The following TENM2 variants were observed in gnomAD, a reference collection of about 807,000 sequenced individuals.
TENM2 encodes the protein teneurin transmembrane protein 2.
In TENM2, 52 loss-of-function variants were observed where a neutral mutation model predicts 245.2. The observed-to-expected ratio is 0.21, with a 90% CI of 0.17 to 0.27. The LOEUF (loss-of-function observed/expected upper bound fraction) is 0.27, where lower values mean the gene tolerates loss of function less well. TENM2 is among the 10% of genes least tolerant of loss of function. TENM2 has a pLI of 1.00. For synonymous variants in TENM2, 1,363 were observed against 1,438.9 expected (o/e 0.95, Z 1.19); for missense variants, 3,046 against 3,666.8 (o/e 0.83, Z 4.37).
At chr5:167,328,204 G>GTTTTTTTTTTTTTTTTTTTTTTTTTTTTT (rs70976412) in intron 1 of TENM2, among the ~76,000 whole-genome samples, 1 of 91,028 alleles carries the variant, frequency 1.1e-5, no homozygotes, top group Non-Finnish European at 2.0e-5. Context: ...TTCTCATATC[G>GTTTTTTTTTTTTTTTTTTTTTTTTTTTTT]TTTTTTTTTT....
At chr5:167,870,716 A>ATG (rs1772756191) in intron 2 of TENM2, among the ~76,000 whole-genome samples, 1 of 150,134 alleles carries the variant, frequency 6.7e-6, no homozygotes, top group South Asian at 2.1e-4. Flanking sequence ...CTATATATAT[A>ATG]TATATATATG....
intron 3 of TENM2, among the ~76,000 whole-genome samples, chr5:167,892,393 A>G (rs1331878770): frequency 6.6e-6 from 1 of 152,230 alleles, no homozygotes; most frequent in Non-Finnish European, 1.5e-5. Flanking sequence ...CCCATGTTAC[A>G]ATGCAACCAA....
At chr5:167,241,416 A>G in the TENM2 span, among the ~76,000 whole-genome samples, 2 of 152,212 alleles carry the variant, frequency 1.3e-5, no homozygotes, top group South Asian at 2.1e-4. Context: ...TGAAGTTCCT[A>G]TTAAATTGGG....
intron 5 of TENM2, among the ~76,000 whole-genome samples, chr5:168,003,866 CT>C (rs1784600807): frequency 6.6e-6 from 1 of 152,188 alleles, no homozygotes; most frequent in Admixed American, 6.5e-5. Context: ...GAACATCAAT[CT>C]ATATTTCAAG....
At chr5:167,362,773 A>G (rs868396971) in intron 1 of TENM2, among the ~76,000 whole-genome samples, 5 of 152,220 alleles carry the variant, frequency 3.3e-5, no homozygotes, top group Non-Finnish European at 5.9e-5. Flanking sequence ...TTAACTAAAA[A>G]CTGCATTTTA....
intron 2 of TENM2, among the ~76,000 whole-genome samples, chr5:167,750,945 C>A (rs1489209169): frequency 2.0e-5 from 3 of 152,112 alleles, no homozygotes; most frequent in Non-Finnish European, 4.4e-5. Flanking sequence ...AATAGAATGA[C>A]AGCATGTAAC....
At chr5:167,039,421 A>G in the TENM2 span, among the ~76,000 whole-genome samples, 1 of 152,202 alleles carries the variant, frequency 6.6e-6, no homozygotes, top group African/African-American at 2.4e-5. Context: ...CGCACTGGCC[A>G]GGAAACTTGG....
intron 9 of TENM2, among the ~76,000 whole-genome samples, chr5:168,107,508 G>A (rs1794341918): frequency 6.6e-6 from 1 of 152,052 alleles, no homozygotes; most frequent in Non-Finnish European, 1.5e-5. Context: ...AATCTGACTT[G>A]TAGGACTGGT....
At chr5:167,800,153 C>A (rs760018479) in intron 2 of TENM2, among the ~76,000 whole-genome samples, 2 of 152,214 alleles carry the variant, frequency 1.3e-5, no homozygotes, top group Non-Finnish European at 2.9e-5. Flanking sequence ...AATGTGCATG[C>A]ATTTGTTTCT....
chr5:167,576,737 G>A (rs34561169), intron 2 of TENM2, among the ~76,000 whole-genome samples: 15,818 of 152,210 alleles, frequency 0.1, 1,100 homozygotes, highest in Middle Eastern at 0.22. Context: ...TTGCCAACAT[G>A]TAATGAAATA....
rs559003739 is a variant in TENM2, at chr5:168,124,780, T to G, written c.2009-70T>G. On this transcript the variant is annotated intron_variant, in intron 10 of 28. Coordinates refer to ENST00000518659, the Ensembl canonical transcript of TENM2. ...ACTGGTCCATTCAGCAGCAAGCCCA[T>G]GTCTCATGGTCCATCCTCCATGGGT... The G allele has an allele frequency of 9.8e-5, 141 of 1,435,238 alleles. 1 individual carries two copies. In the African/African-American group the frequency reaches 1.8e-3, roughly 18 times the overall value. 88.9% of individuals were successfully genotyped at this position (1,435,238 alleles called of 1,614,324 possible). A position where few individuals can be genotyped will look rare whatever the true frequency, so the allele number is the denominator to read the frequency against.
intron 3 of TENM2, among the ~76,000 whole-genome samples, chr5:167,924,214 C>T (rs1777578666): frequency 2.6e-5 from 4 of 152,202 alleles, no homozygotes; most frequent in Non-Finnish European, 4.4e-5. Flanking sequence ...TGAGCAGAAT[C>T]AGGTGCAGTT....
At chr5:168,141,526 TC>T (rs1263023694) in intron 12 of TENM2, among the ~76,000 whole-genome samples, 1 of 152,170 alleles carries the variant, frequency 6.6e-6, no homozygotes, top group Non-Finnish European at 1.5e-5. Context: ...AAACTGCCTT[TC>T]CCAGGGATGA....
intron 1 of TENM2, among the ~76,000 whole-genome samples, chr5:167,300,334 G>A (rs1348000282): frequency 6.6e-6 from 1 of 152,164 alleles, no homozygotes; most frequent in African/African-American, 2.4e-5. Context: ...CCTAATGGGT[G>A]TCAGGGTCAG....
chr5:167,593,930 C>T (rs1358052317), intron 2 of TENM2, among the ~76,000 whole-genome samples: 1 of 152,154 alleles, frequency 6.6e-6, no homozygotes, highest in Non-Finnish European at 1.5e-5. Flanking sequence ...CTAGTAATAT[C>T]ATGCAGCTGT....
intron 2 of TENM2, among the ~76,000 whole-genome samples, chr5:167,710,215 A>G (rs1758815701): frequency 6.6e-6 from 1 of 152,198 alleles, no homozygotes; most frequent in African/African-American, 2.4e-5. Flanking sequence ...GTGTGTGTAT[A>G]CATATGTACA....
At chr5:167,823,715 A>G (rs978474887) in intron 2 of TENM2, among the ~76,000 whole-genome samples, 3 of 152,192 alleles carry the variant, frequency 2.0e-5, no homozygotes, top group Non-Finnish European at 4.4e-5. Flanking sequence ...AATCGTTGTG[A>G]CAGTTGCTGA....
chr5:167,755,034 C>T (rs765107637), intron 2 of TENM2: 2 of 1,590,458 alleles, frequency 1.3e-6, no homozygotes, highest in South Asian at 2.2e-5. Context: ...CGAAGAGCGG[C>T]CCACTCCCAG....
intron 2 of TENM2, among the ~76,000 whole-genome samples, chr5:167,822,201 G>C (rs550350325): frequency 1.2e-3 from 178 of 151,962 alleles, no homozygotes; most frequent in Non-Finnish European, 2.2e-3. Context: ...CGCCCTCTCG[G>C]TCACATTGTG....
Sources: allele counts gnomAD v4.1 joint callset (sites outside exome capture counted in the v4.1 genomes callset), GRCh38; gene constraint gnomAD v4.1.1; transcripts MANE v1.5; gene names NCBI Gene and HGNC (gene_info 2026-07-23, HGNC 2026-07-21).